Variants in TTC28 observed in about 807,000 individuals in gnomAD.
TTC28 encodes tetratricopeptide repeat protein 28.
Under a neutral mutation model 198.0 loss-of-function variants are expected in TTC28, and 61 were observed. The observed-to-expected ratio is 0.31, with a 90% confidence interval of 0.25 to 0.38. The LOEUF is 0.38. Among genes scored for constraint, TTC28 ranks in the 10% least tolerant of loss-of-function variants. The pLI is 1.00. For missense variants in TTC28, 2,678 were observed against 3,164.0 expected (o/e 0.85, Z 3.69); for synonymous variants, 1,171 against 1,297.8 (o/e 0.90, Z 2.10).
intron 2 of TTC28, among the ~76,000 whole-genome samples, chr22:28,595,045 T>C (rs1374386352): frequency 6.6e-6 from 1 of 152,212 alleles, no homozygotes; most frequent in Non-Finnish European, 1.5e-5. Context: ...TAATAACAAG[T>C]AGGCCTTTCA....
chr22:28,536,211 A>C (rs1453981765), intron 2 of TTC28, among the ~76,000 whole-genome samples: 2 of 148,782 alleles, frequency 1.3e-5, no homozygotes, highest in African/African-American at 5.0e-5. Context: ...AAAAAAAAAA[A>C]AAAAAAAAAC....
chr22:28,134,385 A>G (rs1273677748), intron 6 of TTC28, among the ~76,000 whole-genome samples: 1 of 152,224 alleles, frequency 6.6e-6, no homozygotes, highest in Non-Finnish European at 1.5e-5. Context: ...TTGAGAGAAG[A>G]AGGCGTCAGA....
chr22:28,255,513 C>T (rs1433728567), intron 5 of TTC28, among the ~76,000 whole-genome samples: 1 of 152,054 alleles, frequency 6.6e-6, no homozygotes, highest in Non-Finnish European at 1.5e-5. Context: ...AAAACCCTGT[C>T]TCTGCTAAAA....
chr22:28,105,493 G>A lies in TTC28; in HGVS notation c.3093C>T (p.Asn1031=), dbSNP rs202192921. Residue 1031 remains asparagine (N), a synonymous_variant, in exon 8 of 23, where the codon AAC becomes AAT. Coordinates refer to ENST00000397906, the MANE Select transcript of TTC28 (RefSeq NM_001145418.2). ...AGGCTCGGCCCTGGCACGTGGGGTT[G>A]TTGGTTTCCTCTGCTATCTGTAGAT... is the stretch of plus-strand genomic sequence containing the variant. The part of the protein sequence containing the change: ...QLDLQIAEET[N]NPTCQGRAYG... 2.3e-3 allele frequency: 3,507 copies of A among 1,551,702 alleles called. 6 individuals are homozygous for A. The highest frequency in any genetic ancestry group is 4.5e-3 in the Middle Eastern group (27 of 5,992).
intron 12 of TTC28, among the ~76,000 whole-genome samples, chr22:28,067,235 G>T (rs1002759981): frequency 6.6e-6 from 1 of 152,132 alleles, no homozygotes; most frequent in Non-Finnish European, 1.5e-5. Flanking sequence ...TCAGGATTGG[G>T]CATATTTGTT....
In TTC28 at chr22:28,196,319, T is replaced by C. The variant is rs879393810; in HGVS notation, c.934-32720A>G. ...GGATAAAAGACTTAAATGTTAGACC[T>C]AAAACCATAAAAACCCTAGAAGAAA... On this transcript the variant is annotated intron_variant, in intron 5 of 22. Coordinates refer to ENST00000397906, the MANE Select transcript of TTC28 (RefSeq NM_001145418.2). Among the ~76,000 whole-genome samples the C allele has an allele frequency of 1.6e-3, 250 of 152,086 alleles. 1 individual carries two copies. Among genetic ancestry groups the C allele is most frequent in the Non-Finnish European group, 2.1e-3 (145 of 68,018 alleles).
chr22:28,306,826 A>ACTT (rs1332534880), intron 2 of TTC28, among the ~76,000 whole-genome samples, 183 bp from the exon 3 acceptor site: 1 of 152,238 alleles, frequency 6.6e-6, no homozygotes, highest in Non-Finnish European at 1.5e-5. Context: ...TTATCAGGCA[A>ACTT]CTTCTATTTA....
At chr22:28,232,397 G>A (rs1321834432) in intron 5 of TTC28, among the ~76,000 whole-genome samples, 2 of 152,214 alleles carry the variant, frequency 1.3e-5, no homozygotes, top group Non-Finnish European at 2.9e-5. Flanking sequence ...TCAGGCATAG[G>A]AGCTCATATC....
At chr22:28,101,556 T>C (rs2146882251) in intron 8 of TTC28, among the ~76,000 whole-genome samples, 1 of 152,038 alleles carries the variant, frequency 6.6e-6, no homozygotes. Flanking sequence ...GGACAGGGTT[T>C]CACCATGTTG....
At chr22:28,310,305 G>T (rs1288909637) in intron 2 of TTC28, among the ~76,000 whole-genome samples, 3 of 152,088 alleles carry the variant, frequency 2.0e-5, no homozygotes, top group African/African-American at 7.2e-5. Flanking sequence ...AATTTCAGAG[G>T]TAACAAAAAT....
At chr22:28,379,129 T>G (rs1186861132) in intron 2 of TTC28, among the ~76,000 whole-genome samples, 1 of 152,154 alleles carries the variant, frequency 6.6e-6, no homozygotes, top group East Asian at 1.9e-4. Context: ...GAAAGAAATC[T>G]CTAGACCTAG....
chr22:28,503,632 T>C lies in TTC28; in HGVS notation c.381+125920A>G, dbSNP rs2048565791. On this transcript the variant is annotated intron_variant, in intron 2 of 22. Transcript: ENST00000397906. The stretch of plus-strand genomic sequence containing the variant: ...TCAAAATGTTACATAAAAATATTAA[T>C]CTATTATTATTCTCAGCAAGGACAT... Among the ~76,000 whole-genome samples, 4 of 152,218 alleles carry C rather than the reference T, an allele frequency of 2.6e-5. No individual in the cohort carries two copies. The South Asian group carries it at 8.3e-4, about 31-fold the overall frequency.
chr22:28,564,337 T>G (rs2049937582), intron 2 of TTC28, among the ~76,000 whole-genome samples: 2 of 152,158 alleles, frequency 1.3e-5, no homozygotes, highest in Non-Finnish European at 2.9e-5. Flanking sequence ...TATTTTAAAC[T>G]TAAGGTTGAA....
At chr22:28,449,932 A>C (rs902077246) in intron 2 of TTC28, among the ~76,000 whole-genome samples, 1 of 152,184 alleles carries the variant, frequency 6.6e-6, no homozygotes, top group African/African-American at 2.4e-5. Flanking sequence ...CAAATGTTTC[A>C]CCATCCGTTA....
intron 2 of TTC28, among the ~76,000 whole-genome samples, chr22:28,309,432 C>T (rs967612881): frequency 2.6e-5 from 4 of 152,208 alleles, no homozygotes; most frequent in Admixed American, 1.3e-4. Flanking sequence ...AAGTTCTGAG[C>T]GAGATAACAG....
rs374201800 is a variant in TTC28, at chr22:28,082,393, T to C, written c.3932+11687A>G. Among the ~76,000 whole-genome samples the C allele has an allele frequency of 3.1e-4, 47 of 152,344 alleles. No homozygotes were observed. The South Asian group carries it at 8.5e-3, about 28-fold the overall frequency. On this transcript the variant is annotated intron_variant, in intron 12 of 22. Transcript: ENST00000397906. Reference sequence around the variant, plus strand: ...TATGATGTTAGCTGTGGATTTTTCATATATGGCCTTCACTATGTTGAGGTA... The same window carrying C: ...TATGATGTTAGCTGTGGATTTTTCACATATGGCCTTCACTATGTTGAGGTA...
intron 12 of TTC28, among the ~76,000 whole-genome samples, chr22:28,065,035 T>C (rs1940698778): frequency 6.6e-6 from 1 of 152,196 alleles, no homozygotes; most frequent in African/African-American, 2.4e-5. Context: ...TACATAGGAA[T>C]GCATGGCTTT....
intron 2 of TTC28, among the ~76,000 whole-genome samples, chr22:28,415,901 T>C (rs865792912): frequency 1.3e-5 from 2 of 152,222 alleles, no homozygotes; most frequent in African/African-American, 2.4e-5. Context: ...ACTAGTTTCA[T>C]AAAATTTTTA....
In TTC28 at chr22:28,005,731, C is replaced by T. The variant is rs1031535771; in HGVS notation, c.4219-4178G>A. On this transcript the variant is annotated intron_variant, in intron 14 of 22. Transcript: ENST00000397906. The surrounding 1 kb of genome is among the most constrained non-coding windows in gnomAD (Gnocchi z 4.9). ...CTGCAGGTCCCTGGACTCCCTGGCACCTATCACCGCTGGAAGCTGATGGCT... is the reference window on the plus strand; with the variant it reads ...CTGCAGGTCCCTGGACTCCCTGGCATCTATCACCGCTGGAAGCTGATGGCT... 5.3e-5 allele frequency among the ~76,000 whole-genome samples: 8 copies of T among 152,308 alleles called. No individual in the cohort carries two copies. Among genetic ancestry groups the T allele is most frequent in the African/African-American group, 1.2e-4 (5 of 41,562 alleles).
Sources: gnomAD v4.1 joint callset for allele counts (sites outside exome capture counted in the v4.1 genomes callset) on GRCh38, gnomAD v4.1.1 for gene constraint, Gnocchi (gnomAD v3.1) non-coding constraint, MANE v1.5 for transcripts, NCBI Gene and HGNC (gene_info 2026-07-23, HGNC 2026-07-21) for gene names.